The following BABAM2 variants were observed in gnomAD, a reference collection of about 807,000 sequenced individuals.
BABAM2 encodes the protein BRISC and BRCA1-A complex member 2.
Under a neutral mutation model 54.7 loss-of-function variants are expected in BABAM2, and 31 were observed. That is an observed-to-expected ratio of 0.57 (90% CI 0.43 to 0.77). BABAM2 has a LOEUF of 0.77. BABAM2 is among the 30% of genes least tolerant of loss of function. The pLI is 0.00. For missense variants in BABAM2, 364 were observed against 455.8 expected, an observed-to-expected ratio of 0.80 and a Z score of 1.83; for synonymous variants, 167 against 162.9, an observed-to-expected ratio of 1.03 and a Z score of -0.19.
At chr2:28,297,148 T>C (rs1687766276) in intron 10 of BABAM2, among the ~76,000 whole-genome samples, 1 of 152,202 alleles carries the variant, frequency 6.6e-6, no homozygotes. Context: ...GAGAAGGCAA[T>C]GTGGGGCATA....
chr2:28,254,058 A>G (rs890376318), intron 10 of BABAM2, among the ~76,000 whole-genome samples: 2 of 152,240 alleles, frequency 1.3e-5, no homozygotes, highest in Non-Finnish European at 2.9e-5. Context: ...ATGGTTTGTC[A>G]TACAAAGTTC....
intron 10 of BABAM2, among the ~76,000 whole-genome samples, chr2:28,269,412 T>C (rs1685236355): frequency 6.6e-6 from 1 of 152,206 alleles, no homozygotes; most frequent in Non-Finnish European, 1.5e-5. Flanking sequence ...TGGACTGGGG[T>C]TATCAGAAAA....
intron 9 of BABAM2, among the ~76,000 whole-genome samples, chr2:28,242,297 AG>A (rs1193641949): frequency 6.6e-6 from 1 of 152,206 alleles, no homozygotes; most frequent in African/African-American, 2.4e-5. Flanking sequence ...AAGCACCGAT[AG>A]GGGAGAGGGA....
rs1669845694 is a variant in BABAM2 at position 28,129,438 on chromosome 2, ATTCT to A, written c.680+65_680+68del. 3 of 1,408,816 alleles carry A rather than the reference ATTCT, an allele frequency of 2.1e-6. No homozygotes were observed. In the South Asian group the frequency reaches 3.5e-5, roughly 16 times the overall value. The allele number at this position is 1,408,816 out of a possible 1,614,324, so 87.3% of individuals were successfully genotyped here. A position where few individuals can be genotyped will look rare whatever the true frequency, so the allele number is the denominator to read the frequency against. ...TACTTCTTGCTAACCAATATGTCTC[ATTCT>A]TTCTTTTGCCACTCTTGAACTCTTA... is the stretch of plus-strand genomic sequence containing the variant. On this transcript the variant is annotated intron_variant, in intron 7 of 11. Transcript: ENST00000379624.
intron 2 of BABAM2, among the ~76,000 whole-genome samples, chr2:27,908,490 C>G (rs565788965): frequency 6.6e-6 from 1 of 152,190 alleles, no homozygotes; most frequent in South Asian, 2.1e-4. Context: ...CCAGGCTGGT[C>G]TCGAACTCTT....
chr2:28,310,030 TGAA>T, intron 11 of BABAM2: 1 of 1,553,838 alleles, frequency 6.4e-7, no homozygotes, highest in Admixed American at 1.7e-5. Flanking sequence ...ATTGGATCCT[TGAA>T]CCCTTTTGAA....
chr2:28,176,593 A>AAAAAAAAAAAAAAAAAAAAC (rs1558408058), intron 7 of BABAM2, among the ~76,000 whole-genome samples: 1 of 146,098 alleles, frequency 6.8e-6, no homozygotes, highest in Non-Finnish European at 1.5e-5. Flanking sequence ...AAAAAAAAAA[A>AAAAAAAAAAAAAAAAAAAAC]AAACCTCACT....
intron 10 of BABAM2, among the ~76,000 whole-genome samples, chr2:28,249,335 C>T (rs1052417875): frequency 3.9e-5 from 6 of 152,036 alleles, no homozygotes; most frequent in Non-Finnish European, 8.8e-5. Context: ...GCAATCTACC[C>T]GCCTAGGCCT....
intron 4 of BABAM2, among the ~76,000 whole-genome samples, chr2:28,007,686 A>G (rs891698276): frequency 2.0e-5 from 3 of 152,182 alleles, no homozygotes; most frequent in Admixed American, 2.0e-4. Context: ...CTATTGAGCC[A>G]TAATAATTTC....
At chr2:27,919,709 G>T (rs1035880143) in intron 2 of BABAM2, among the ~76,000 whole-genome samples, 19 of 152,110 alleles carry the variant, frequency 1.2e-4, no homozygotes, top group African/African-American at 4.1e-4. Context: ...AAAGTTAAAG[G>T]ATTTTTTCCC....
intron 11 of BABAM2, 92 bp downstream of exon 11, chr2:28,298,583 G>C: frequency 6.9e-7 from 1 of 1,456,032 alleles, no homozygotes; most frequent in African/African-American, 1.4e-5. Context: ...GTTAGTTCCT[G>C]CCCTGTGCAT....
At chr2:28,194,575 C>CTTTTTTT (rs10684650) in intron 7 of BABAM2, among the ~76,000 whole-genome samples, 6 of 99,198 alleles carry the variant, frequency 6.0e-5, no homozygotes, top group Admixed American at 2.7e-4. Context: ...ACAACGTAGA[C>CTTTTTTT]TTTTTTTTTT....
intron 2 of BABAM2, among the ~76,000 whole-genome samples, chr2:27,915,319 T>G (rs1666883788): frequency 6.6e-6 from 1 of 152,194 alleles, no homozygotes; most frequent in Non-Finnish European, 1.5e-5. Context: ...TTTTGAATAC[T>G]CGTGACAGCA....
rs767788566 is a variant in BABAM2 at position 28,338,825 on chromosome 2, C to G, written c.*312C>G. ...AAGTAAAGCCTCAGGAATGCCCACGCCTTTCTTCCAAAGCCTTTGTCTCTG... is the reference window on the plus strand; with the variant it reads ...AAGTAAAGCCTCAGGAATGCCCACGGCTTTCTTCCAAAGCCTTTGTCTCTG... On this transcript the variant is annotated 3_prime_UTR_variant, in exon 12 of 12. Transcript: ENST00000379624. 3.0e-5 allele frequency: 10 copies of G among 328,354 alleles called. No homozygotes were observed. The highest frequency in any genetic ancestry group is 5.8e-5 in the Non-Finnish European group (10 of 173,324). 20.3% of individuals were successfully genotyped at this position (328,354 alleles called of 1,614,324 possible).
At chr2:27,897,461 G>A (rs1292278599) in intron 2 of BABAM2, among the ~76,000 whole-genome samples, 2 of 151,976 alleles carry the variant, frequency 1.3e-5, no homozygotes, top group East Asian at 1.9e-4. Context: ...GCTAGTGTTA[G>A]GTTAGCTGCT....
At chr2:28,222,388 T>C (rs1346196455) in intron 7 of BABAM2, among the ~76,000 whole-genome samples, 1 of 152,120 alleles carries the variant, frequency 6.6e-6, no homozygotes. Context: ...GGTAAAACAG[T>C]CATAGCTTCC....
At chr2:28,204,439 G>T (rs1476750890) in intron 7 of BABAM2, among the ~76,000 whole-genome samples, 1 of 152,122 alleles carries the variant, frequency 6.6e-6, no homozygotes, top group African/African-American at 2.4e-5. Flanking sequence ...TTCGGGAGAA[G>T]TATAAGCACA....
At chr2:28,323,823 T>C (rs934404074) in intron 11 of BABAM2, among the ~76,000 whole-genome samples, 2 of 152,220 alleles carry the variant, frequency 1.3e-5, no homozygotes, top group African/African-American at 4.8e-5. Flanking sequence ...GTCCCTCACA[T>C]GTCACCTAGG....
chr2:27,917,164 C>T (rs778830410), intron 2 of BABAM2, among the ~76,000 whole-genome samples: 1 of 151,832 alleles, frequency 6.6e-6, no homozygotes, highest in Non-Finnish European at 1.5e-5. Context: ...GCTACAGGCA[C>T]GTGCCACCAC....
Sources: gnomAD v4.1 joint callset for allele counts (sites outside exome capture counted in the v4.1 genomes callset) on GRCh38, gnomAD v4.1.1 for gene constraint, MANE v1.5 for transcripts, NCBI Gene and HGNC (gene_info 2026-07-23, HGNC 2026-07-21) for gene names.